Variants in BRSK2 observed in about 807,000 individuals in gnomAD.
BRSK2 encodes BR serine/threonine kinase 2.
In BRSK2, 19 loss-of-function variants were observed where a neutral mutation model predicts 83.3. That is an observed-to-expected ratio of 0.23 (90% CI 0.16 to 0.33). The LOEUF is 0.33. Ranked by LOEUF, BRSK2 falls within the 10% of genes least tolerant of loss-of-function variation. The pLI, the probability that BRSK2 is intolerant of heterozygous loss-of-function variation, is 1.00. For synonymous variants in BRSK2, 519 were observed against 435.4 expected (o/e 1.19, Z -2.39); for missense variants, 798 against 1,042.3 (o/e 0.77, Z 3.23).
intron 1 of BRSK2, among the ~76,000 whole-genome samples, chr11:1,425,946 G>A (rs1265564596): frequency 6.6e-6 from 1 of 152,188 alleles, no homozygotes; most frequent in Non-Finnish European, 1.5e-5. Flanking sequence ...GCGGATTTGC[G>A]GCCTCATGGC....
Position 1,444,951 on chromosome 11 carries a change from C to G in BRSK2, c.781-20C>G, listed in dbSNP as rs1851818631. On this transcript the variant is annotated intron_variant, in intron 8 of 19. Transcript: ENST00000528841. ...TCCGTCCCTCGTCCGTACTAACTCC[C>G]TGTTTCTCTTTCCTTGTAGCTAGAG... 1 of 1,611,176 alleles carries G rather than the reference C, an allele frequency of 6.2e-7. No homozygotes were observed. The highest frequency in any genetic ancestry group is 8.5e-7 in the Non-Finnish European group (1 of 1,177,514).
At chr11:1,395,850 C>T (rs969012127) in intron 1 of BRSK2, among the ~76,000 whole-genome samples, 9 of 152,306 alleles carry the variant, frequency 5.9e-5, no homozygotes, top group Admixed American at 2.0e-4. Context: ...CCAGAGTCAC[C>T]GTGGCTGGCT....
chr11:1,405,975 C>A, intron 1 of BRSK2, among the ~76,000 whole-genome samples: 1 of 152,128 alleles, frequency 6.6e-6, no homozygotes, highest in African/African-American at 2.4e-5. Flanking sequence ...CCCAGACCCC[C>A]ACAAGCCCCC....
intron 1 of BRSK2, among the ~76,000 whole-genome samples, chr11:1,394,169 T>C (rs1167975460): frequency 1.5e-5 from 1 of 65,352 alleles, no homozygotes; most frequent in Non-Finnish European, 2.9e-5. Context: ...TGGAGATGGG[T>C]CCTGGAGATG....
intron 1 of BRSK2, among the ~76,000 whole-genome samples, chr11:1,406,604 A>C (rs1312211417): frequency 1.3e-5 from 2 of 152,216 alleles, no homozygotes; most frequent in African/African-American, 4.8e-5. Flanking sequence ...AAACCCCTGC[A>C]GAGGATGCCA....
intron 12 of BRSK2, among the ~76,000 whole-genome samples, chr11:1,448,340 T>C (rs1852466244): frequency 6.6e-6 from 1 of 152,176 alleles, no homozygotes; most frequent in African/African-American, 2.4e-5. Flanking sequence ...CCCCCAAGGC[T>C]GCAGTGTGCT....
intron 12 of BRSK2, among the ~76,000 whole-genome samples, chr11:1,448,556 C>T (rs746062265): frequency 3.2e-4 from 48 of 152,210 alleles, no homozygotes; most frequent in Non-Finnish European, 6.5e-4. Context: ...CCGGGGTTTC[C>T]AGCGCCTCTT....
chr11:1,454,115 T>A lies in BRSK2; in HGVS notation c.1545-370T>A. The A allele has an allele frequency of 6.0e-6, 1 of 167,754 alleles. No individual in the cohort carries two copies. The highest frequency in any genetic ancestry group is 6.4e-5 in the Admixed American group (1 of 15,654). 10.4% of individuals were successfully genotyped at this position (167,754 alleles called of 1,614,324 possible). ...CTGGGGGTGGGGGGCACAGCTGACTTCAGGAGCCCAGCTTGAGCCACCTCT... is the reference window on the plus strand; with the variant it reads ...CTGGGGGTGGGGGGCACAGCTGACTACAGGAGCCCAGCTTGAGCCACCTCT... On this transcript the variant is annotated intron_variant, in intron 15 of 19. Coordinates refer to ENST00000528841, the MANE Select transcript of BRSK2 (RefSeq NM_001256627.2). The surrounding 1 kb of genome is among the most constrained non-coding windows in gnomAD (Gnocchi z 5.2).
At chr11:1,442,421 G>C in intron 4 of BRSK2, 69 bp from the exon 5 acceptor site, 1 of 1,219,728 alleles carries the variant, frequency 8.2e-7, no homozygotes, top group South Asian at 1.2e-5. Context: ...CTGGGCAGGG[G>C]GTCTCCAGGG....
chr11:1,395,369 G>A lies in BRSK2; in HGVS notation c.91+4994G>A, dbSNP rs563216641. Among the ~76,000 whole-genome samples the A allele has an allele frequency of 5.9e-5, 9 of 152,326 alleles. No individual in the cohort carries two copies. In the South Asian group the frequency reaches 6.2e-4, roughly 11 times the overall value. ...TCCCTGGAAAGGCCCATTTGGTGTC[G>A]CTGGGCGCCATGTCAGTGACTGCGC... On this transcript the variant is annotated intron_variant, in intron 1 of 19. Transcript: ENST00000528841.
rs114788455 is a variant in BRSK2 at position 1,445,226 on chromosome 11, G to A, written c.813-68G>A. 4.2e-5 allele frequency: 65 copies of A among 1,533,178 alleles called. No individual in the cohort carries two copies. The Admixed American group carries it at 8.6e-4, about 20-fold the overall frequency. The allele number at this position is 1,533,178 out of a possible 1,614,324, so 95.0% of individuals were successfully genotyped here. A position where few individuals can be genotyped will look rare whatever the true frequency, so the allele number is the denominator to read the frequency against. On this transcript the variant is annotated intron_variant, in intron 9 of 19. Transcript: ENST00000528841. ...TGAAGGGCCCCAGGTGAGGGCGGGC[G>A]TCCCACCCTCGCAGCCGCCCAGGCC... is the stretch of plus-strand genomic sequence containing the variant.
intron 2 of BRSK2, among the ~76,000 whole-genome samples, chr11:1,437,007 T>C (rs1284906324): frequency 2.1e-5 from 2 of 94,702 alleles, no homozygotes; most frequent in African/African-American, 8.4e-5. Context: ...GAGGTGGGGG[T>C]GGGGTTAAGG....
chr11:1,396,940 G>C (rs1205338045), intron 1 of BRSK2, among the ~76,000 whole-genome samples: 5 of 152,254 alleles, frequency 3.3e-5, no homozygotes, highest in Non-Finnish European at 5.9e-5. Flanking sequence ...CCTGAGTGTA[G>C]AATGGGGTTT....
At chr11:1,445,176 G>A in intron 9 of BRSK2, 118 bp from the exon 10 acceptor site, 1 of 1,486,474 alleles carries the variant, frequency 6.7e-7, no homozygotes, top group South Asian at 1.3e-5. Context: ...GCCTCCCCGG[G>A]CTGGGCACAG....
At chr11:1,391,224 T>G (rs1225702184) in intron 1 of BRSK2, among the ~76,000 whole-genome samples, 2 of 152,180 alleles carry the variant, frequency 1.3e-5, no homozygotes, top group Non-Finnish European at 2.9e-5. Flanking sequence ...AGAGTCGCCT[T>G]TGTGGAGGCT....
chr11:1,397,269 G>A (rs972334919), intron 1 of BRSK2, among the ~76,000 whole-genome samples: 1 of 152,234 alleles, frequency 6.6e-6, no homozygotes, highest in Non-Finnish European at 1.5e-5. Flanking sequence ...CTGGGGCTCT[G>A]GACAAGATGG....
chr11:1,457,116 G>A, intron 18 of BRSK2: 1 of 1,394,114 alleles, frequency 7.2e-7, no homozygotes, highest in Non-Finnish European at 9.6e-7. Context: ...AGCCAGGCTG[G>A]CCCTGAGCAG....
Position 1,454,553 on chromosome 11 carries a change from T to TCAAAGA in BRSK2, c.1618_1623dup (p.Asp540_Lys541dup). 1.2e-6 allele frequency: 2 copies of TCAAAGA among 1,613,238 alleles called. No individual in the cohort carries two copies. The highest frequency in any genetic ancestry group is 1.7e-6 in the Non-Finnish European group (2 of 1,179,934). ...AAGGAGGAGCAGATCTTCGTGGTCATCAAAGACAAACCTCTGAGCTCCATC... is the reference window on the plus strand; with the variant it reads ...AAGGAGGAGCAGATCTTCGTGGTCATCAAAGACAAAGACAAACCTCTGAGCTCCATC... On this transcript the variant is annotated inframe_insertion, in exon 16 of 20. Coordinates refer to ENST00000528841, the MANE Select transcript of BRSK2 (RefSeq NM_001256627.2). The surrounding 1 kb of genome is among the most constrained non-coding windows in gnomAD (Gnocchi z 5.2).
chr11:1,460,427 C>T (rs566854874), intron 19 of BRSK2, 73 bp from the exon 20 acceptor site: 2 of 985,272 alleles, frequency 2.0e-6, no homozygotes, highest in Non-Finnish European at 1.3e-6. Flanking sequence ...CTTCCCTCCC[C>T]TCCTCTTTCT....
Sources: gnomAD v4.1 joint callset for allele counts (sites outside exome capture counted in the v4.1 genomes callset) on GRCh38, gnomAD v4.1.1 for gene constraint, Gnocchi (gnomAD v3.1) non-coding constraint, MANE v1.5 for transcripts, NCBI Gene and HGNC (gene_info 2026-07-23, HGNC 2026-07-21) for gene names.